The following TMEM196 variants were observed in gnomAD, a reference collection of about 807,000 sequenced individuals.
TMEM196 encodes transmembrane protein 196.
In TMEM196, 17 loss-of-function variants were observed where a neutral mutation model predicts 20.0. The ratio of observed to expected loss-of-function variants is 0.85; its 90% confidence interval spans 0.58 to 1.27. The LOEUF (loss-of-function observed/expected upper bound fraction) is 1.27, where lower values mean the gene tolerates loss of function less well. Among genes scored for constraint, TMEM196 ranks in the 50% most tolerant of loss-of-function variants. TMEM196 has a pLI of 0.00. For missense variants in TMEM196, 267 were observed against 223.0 expected (o/e 1.20, Z -1.26); for synonymous variants, 113 against 88.9 (o/e 1.27, Z -1.52).
At chr7:19,758,969 T>C (rs760166860) in intron 1 of TMEM196, among the ~76,000 whole-genome samples, 1 of 152,188 alleles carries the variant, frequency 6.6e-6, no homozygotes, top group Non-Finnish European at 1.5e-5. Context: ...CAATTACCCT[T>C]CACCTACTCA....
chr7:19,765,218 T>C (rs1196074233), intron 1 of TMEM196, among the ~76,000 whole-genome samples: 1 of 152,176 alleles, frequency 6.6e-6, no homozygotes, highest in East Asian at 1.9e-4. Flanking sequence ...GGGCACTCTA[T>C]CTCCCAAGTT....
Position 19,719,981 on chromosome 7 carries a change from A to T in TMEM196, c.*2147T>A, listed in dbSNP as rs534979772. On this transcript the variant is annotated 3_prime_UTR_variant, in exon 5 of 5. Transcript: ENST00000405844. ...TATTATAATTTTGTATTGAACAAGCATGTTTATAGAGAAATGCTACTGAAA... is the reference window on the plus strand; with the variant it reads ...TATTATAATTTTGTATTGAACAAGCTTGTTTATAGAGAAATGCTACTGAAA... 6.6e-6 allele frequency: 1 copy of T among 152,170 alleles called. No homozygotes were observed. Among genetic ancestry groups the T allele is most frequent in the African/African-American group, 2.4e-5 (1 of 41,550 alleles). The allele number at this position is 152,170 out of a possible 1,614,324, so 9.4% of individuals were successfully genotyped here. A position where few individuals can be genotyped will look rare whatever the true frequency, so the allele number is the denominator to read the frequency against.
chr7:19,729,365 A>G lies in TMEM196; in HGVS notation c.204+17T>C, dbSNP rs1239136040. ...TCATACACCTCAATGCACAATACAA[A>G]CAAATCAAACACTTACGACAAGTCC... On this transcript the variant is annotated intron_variant, in intron 2 of 4. Coordinates refer to ENST00000405844, the MANE Select transcript of TMEM196 (RefSeq NM_001363562.2). The G allele has an allele frequency of 1.3e-6, 2 of 1,550,224 alleles. No individual in the cohort carries two copies. The highest frequency in any genetic ancestry group is 1.7e-6 in the Non-Finnish European group (2 of 1,146,430).
intron 1 of TMEM196, among the ~76,000 whole-genome samples, chr7:19,731,504 A>G (rs1263970888): frequency 6.6e-6 from 1 of 151,994 alleles, no homozygotes; most frequent in East Asian, 1.9e-4. Context: ...TCAAAGCTCA[A>G]GCATACTCTT....
intron 1 of TMEM196, among the ~76,000 whole-genome samples, chr7:19,769,893 A>C (rs1299797596): frequency 1.3e-5 from 2 of 152,172 alleles, no homozygotes; most frequent in African/African-American, 4.8e-5. Flanking sequence ...GATTTTGGTA[A>C]CCAGGAGTGC....
chr7:19,770,953 G>GTGC (rs564502600), intron 1 of TMEM196, among the ~76,000 whole-genome samples: 1 of 151,892 alleles, frequency 6.6e-6, no homozygotes, highest in African/African-American at 2.4e-5. Context: ...AATTTCGTTG[G>GTGC]GGGCGGGGAT....
At chr7:19,730,010 A>G (rs1414982446) in intron 1 of TMEM196, among the ~76,000 whole-genome samples, 1 of 152,130 alleles carries the variant, frequency 6.6e-6, no homozygotes, top group Non-Finnish European at 1.5e-5. Context: ...TAATCCCAGT[A>G]CTTTGGGAGG....
intron 1 of TMEM196, among the ~76,000 whole-genome samples, chr7:19,743,822 G>C (rs1215416810): frequency 6.6e-6 from 1 of 152,020 alleles, no homozygotes. Flanking sequence ...ATCTTGACAA[G>C]GCAAATAGGG....
Position 19,721,980 on chromosome 7 carries a change from A to C in TMEM196, c.*148T>G. ...ATTTTAGTGGATGCTCAGGAGAGAT[A>C]AATGCAAATGCAAAAACTGTTTTAT... On this transcript the variant is annotated 3_prime_UTR_variant, in exon 5 of 5. Coordinates refer to ENST00000405844, the MANE Select transcript of TMEM196 (RefSeq NM_001363562.2). The C allele has an allele frequency of 2.0e-6, 2 of 1,022,496 alleles. No individual in the cohort carries two copies. The highest frequency in any genetic ancestry group is 5.1e-5 in the East Asian group (2 of 39,596). 63.3% of individuals were successfully genotyped at this position (1,022,496 alleles called of 1,614,324 possible).
chr7:19,738,929 C>T (rs539768249), intron 1 of TMEM196, among the ~76,000 whole-genome samples: 1 of 152,078 alleles, frequency 6.6e-6, no homozygotes, highest in South Asian at 2.1e-4. Context: ...CGAAAAAGTA[C>T]CATATGGGAA....
At chr7:19,772,071 G>A (rs1785902507) in intron 1 of TMEM196, among the ~76,000 whole-genome samples, 1 of 152,072 alleles carries the variant, frequency 6.6e-6, no homozygotes, top group South Asian at 2.1e-4. Flanking sequence ...GGTGTACCTT[G>A]GGCATTATTG....
intron 1 of TMEM196, among the ~76,000 whole-genome samples, chr7:19,748,289 A>C (rs995872062): frequency 1.3e-5 from 2 of 150,886 alleles, no homozygotes; most frequent in East Asian, 1.9e-4. Context: ...AAAAAAAAAA[A>C]AACAGTGTAA....
rs1783748127 is a variant in TMEM196 at position 19,719,502 on chromosome 7, T to C, written c.*2626A>G. 1 of 151,992 alleles carries C rather than the reference T, an allele frequency of 6.6e-6. No individual in the cohort carries two copies. The highest frequency in any genetic ancestry group is 6.6e-5 in the Admixed American group (1 of 15,258). 9.4% of individuals were successfully genotyped at this position (151,992 alleles called of 1,614,324 possible). On this transcript the variant is annotated 3_prime_UTR_variant, in exon 5 of 5. Coordinates refer to ENST00000405844, the MANE Select transcript of TMEM196 (RefSeq NM_001363562.2). ...TTTTATTCTTTTATGCTTATAATAC[T>C]CTACCTATTTGATATGGTCCAAAGT...
intron 2 of TMEM196, among the ~76,000 whole-genome samples, chr7:19,726,044 T>G (rs1783989228): frequency 6.6e-6 from 1 of 152,176 alleles, no homozygotes; most frequent in Non-Finnish European, 1.5e-5. Flanking sequence ...TTATGAAAAC[T>G]CTGAAGCAAA....
intron 1 of TMEM196, 48 bp downstream of exon 1, chr7:19,772,502 G>A (rs1306776119): frequency 6.7e-7 from 1 of 1,494,154 alleles, no homozygotes; most frequent in East Asian, 2.6e-5. Context: ...CCGTAAAGAG[G>A]TAAAGAGAGA....
intron 2 of TMEM196, among the ~76,000 whole-genome samples, chr7:19,726,440 A>G (rs569371467): frequency 2.8e-4 from 42 of 152,334 alleles, no homozygotes; most frequent in Middle Eastern, 3.4e-3. Context: ...TTCCTAAGCA[A>G]GTACTTTAGG....
chr7:19,750,140 C>T (rs1279910658), intron 1 of TMEM196, among the ~76,000 whole-genome samples: 1 of 152,170 alleles, frequency 6.6e-6, no homozygotes, highest in Non-Finnish European at 1.5e-5. Context: ...TTTTCATGAT[C>T]ATTCTCTCCA....
At chr7:19,736,791 C>G (rs1034026713) in intron 1 of TMEM196, among the ~76,000 whole-genome samples, 6 of 151,908 alleles carry the variant, frequency 3.9e-5, no homozygotes, top group Non-Finnish European at 7.4e-5. Context: ...AACATAAGGT[C>G]AAAGAGTGAG....
At chr7:19,744,351 T>C (rs1784676987) in intron 1 of TMEM196, among the ~76,000 whole-genome samples, 3 of 152,156 alleles carry the variant, frequency 2.0e-5, no homozygotes, top group Non-Finnish European at 4.4e-5. Flanking sequence ...AAGATGATTC[T>C]ACAGAGAATA....
Sources: gnomAD v4.1 joint callset for allele counts (sites outside exome capture counted in the v4.1 genomes callset) on GRCh38, gnomAD v4.1.1 for gene constraint, MANE v1.5 for transcripts, NCBI Gene and HGNC (gene_info 2026-07-23, HGNC 2026-07-21) for gene names.